NRXN1: variants seen among roughly 807,000 people sequenced by gnomAD.
NRXN1 encodes neurexin 1.
A neutral mutation model predicts 150.9 loss-of-function variants in NRXN1; 39 were observed. The observed-to-expected ratio is 0.26, with a 90% CI of 0.20 to 0.34. NRXN1 has a LOEUF of 0.34. NRXN1 is among the 10% of genes least tolerant of loss of function. The pLI is 1.00. For missense variants in NRXN1, 1,815 were observed against 1,949.9 expected (o/e 0.93, Z 1.30); for synonymous variants, 924 against 757.0 (o/e 1.22, Z -3.62).
intron 5 of NRXN1, among the ~76,000 whole-genome samples, chr2:50,659,045 C>A (rs1468360066): frequency 6.6e-6 from 1 of 151,982 alleles, no homozygotes; most frequent in Non-Finnish European, 1.5e-5. Flanking sequence ...TCTTCACCAC[C>A]CAACTTCTGC....
Position 50,736,437 on chromosome 2 carries a change from G to A in NRXN1, c.833-112822C>T, listed in dbSNP as rs113888793. Among the ~76,000 whole-genome samples the A allele has an allele frequency of 1.8e-3, 278 of 152,120 alleles. 3 individuals are homozygous for A. The highest frequency in any genetic ancestry group is 6.3e-3 in the African/African-American group (262 of 41,492). On this transcript the variant is annotated intron_variant, in intron 5 of 22. Coordinates refer to ENST00000401669, the MANE Select transcript of NRXN1 (RefSeq NM_001330078.2). ...GGAACGCCCTAGTGAGTGTCTTTACGCTTCACAAGGATAGTGATATGGCTT... is the reference window on the plus strand; with the variant it reads ...GGAACGCCCTAGTGAGTGTCTTTACACTTCACAAGGATAGTGATATGGCTT...
intron 9 of NRXN1, among the ~76,000 whole-genome samples, chr2:50,549,595 G>A (rs202180238): frequency 1.3e-5 from 2 of 152,094 alleles, no homozygotes; most frequent in East Asian, 1.9e-4. Context: ...TCCTTAGAAC[G>A]TGTTTCTGTT....
chr2:50,415,412 G>A (rs778089644), intron 17 of NRXN1, among the ~76,000 whole-genome samples: 1 of 151,996 alleles, frequency 6.6e-6, no homozygotes, highest in Non-Finnish European at 1.5e-5. Flanking sequence ...GATTGACAAA[G>A]TGCACTATGA....
intron 22 of NRXN1, among the ~76,000 whole-genome samples, chr2:49,937,075 G>C (rs182055072): frequency 2.6e-5 from 4 of 152,254 alleles, no homozygotes; most frequent in African/African-American, 7.2e-5. Context: ...CCATCTCTTC[G>C]TAATATAAAC....
intron 17 of NRXN1, among the ~76,000 whole-genome samples, chr2:50,278,341 G>T: frequency 1.5e-5 from 2 of 135,544 alleles, no homozygotes; most frequent in African/African-American, 2.8e-5. Context: ...ATTTAGTAGA[G>T]ATGGGGTTTC....
At chr2:50,958,303 C>G (rs1692597262) in intron 2 of NRXN1, among the ~76,000 whole-genome samples, 1 of 152,068 alleles carries the variant, frequency 6.6e-6, no homozygotes, top group Non-Finnish European at 1.5e-5. Context: ...ATTCTAGATA[C>G]AAGTATAAGC....
chr2:50,400,445 G>C (rs1260886921), intron 17 of NRXN1, among the ~76,000 whole-genome samples: 3 of 152,024 alleles, frequency 2.0e-5, no homozygotes, highest in East Asian at 3.9e-4. Flanking sequence ...ACATAATAAA[G>C]TGGGAACATG....
At chr2:50,721,969 G>A (rs935086922) in intron 5 of NRXN1, among the ~76,000 whole-genome samples, 7 of 151,984 alleles carry the variant, frequency 4.6e-5, no homozygotes, top group African/African-American at 1.2e-4. Context: ...TGCATTTCTC[G>A]GGAAATGTCC....
At chr2:50,587,597 T>G (rs1181932962) in intron 8 of NRXN1, among the ~76,000 whole-genome samples, 1 of 152,222 alleles carries the variant, frequency 6.6e-6, no homozygotes, top group Admixed American at 6.5e-5. Context: ...AAACTGTATT[T>G]AATTTCTGAA....
At chr2:50,461,000 T>C (rs554853395) in intron 17 of NRXN1, among the ~76,000 whole-genome samples, 1 of 152,134 alleles carries the variant, frequency 6.6e-6, no homozygotes, top group South Asian at 2.1e-4. Context: ...AGAAGTAACA[T>C]TACTCAGATC....
At chr2:50,640,467 G>C (rs546173687) in intron 5 of NRXN1, among the ~76,000 whole-genome samples, 1 of 152,132 alleles carries the variant, frequency 6.6e-6, no homozygotes, top group South Asian at 2.1e-4. Context: ...TCTTATAAAG[G>C]AGAAACACTT....
Position 50,531,194 on chromosome 2 carries a change from G to A in NRXN1, c.2347+33C>T, listed in dbSNP as rs770054444. Reference sequence around the variant, plus strand: ...GGCAAATTGAACAAAAAGTAAAAAAGTGTTAGTTCAATGGGGGAAGGCAGG... The same window carrying A: ...GGCAAATTGAACAAAAAGTAAAAAAATGTTAGTTCAATGGGGGAAGGCAGG... On this transcript the variant is annotated intron_variant, in intron 11 of 22. Coordinates refer to ENST00000401669, the MANE Select transcript of NRXN1 (RefSeq NM_001330078.2). 1.7e-5 allele frequency: 26 copies of A among 1,565,240 alleles called. No individual in the cohort carries two copies. In the South Asian group the frequency reaches 2.6e-4, roughly 16 times the overall value.
chr2:50,893,493 A>C (rs936003247), intron 5 of NRXN1, among the ~76,000 whole-genome samples: 3 of 152,166 alleles, frequency 2.0e-5, no homozygotes, highest in Non-Finnish European at 4.4e-5. Flanking sequence ...TTTGGTTGTC[A>C]TATCTAAATT....
At chr2:50,881,961 G>T (rs1490898838) in intron 5 of NRXN1, among the ~76,000 whole-genome samples, 1 of 151,666 alleles carries the variant, frequency 6.6e-6, no homozygotes, top group African/African-American at 2.4e-5. Flanking sequence ...ATTGAAGGGG[G>T]AGGGAGCGAA....
chr2:50,756,327 C>A (rs1701152058), intron 5 of NRXN1, among the ~76,000 whole-genome samples: 1 of 151,444 alleles, frequency 6.6e-6, no homozygotes, highest in Non-Finnish European at 1.5e-5. Flanking sequence ...AAACTCAGAG[C>A]ATAGCAAAGT....
At chr2:50,824,132 T>C (rs184564419) in intron 5 of NRXN1, among the ~76,000 whole-genome samples, 2 of 152,030 alleles carry the variant, frequency 1.3e-5, no homozygotes, top group African/African-American at 4.8e-5. Flanking sequence ...CCAAACTACA[T>C]TTTTTTCACA....
intron 17 of NRXN1, among the ~76,000 whole-genome samples, chr2:50,399,810 A>ATTCTC: frequency 8.1e-5 from 2 of 24,750 alleles, no homozygotes; most frequent in African/African-American, 4.1e-4. Flanking sequence ...AAAAAAAAAA[A>ATTCTC]AAAAAAAAAA....
In NRXN1 at chr2:50,519,707, A is replaced by C. The variant is rs192555441; in HGVS notation, c.2374+8918T>G. 2.4e-4 allele frequency among the ~76,000 whole-genome samples: 37 copies of C among 152,048 alleles called. 1 individual carries two copies. Among genetic ancestry groups the C allele is most frequent in the Non-Finnish European group, 4.4e-4 (30 of 67,846 alleles). ...GATAACTTATACTAACACATCTAGA[A>C]GCATCTTCTCATGTGTGGCTATTCA... On this transcript the variant is annotated intron_variant, in intron 12 of 22. Transcript: ENST00000401669.
intron 5 of NRXN1, among the ~76,000 whole-genome samples, chr2:50,678,595 G>C (rs1424089122): frequency 6.6e-6 from 1 of 152,114 alleles, no homozygotes; most frequent in East Asian, 1.9e-4. Flanking sequence ...GTTGACATTT[G>C]GACCTTTAAT....
Sources: gnomAD v4.1 joint callset for allele counts (sites outside exome capture counted in the v4.1 genomes callset) on GRCh38, gnomAD v4.1.1 for gene constraint, MANE v1.5 for transcripts, NCBI Gene and HGNC (gene_info 2026-07-23, HGNC 2026-07-21) for gene names.